TBC1D5: variants seen among roughly 807,000 people sequenced by gnomAD.
TBC1D5 encodes TBC1 domain family, member 5.
TBC1D5 carries 75 observed loss-of-function variants against 100.3 expected under a neutral mutation model. The ratio of observed to expected loss-of-function variants is 0.75; its 90% CI spans 0.62 to 0.91. TBC1D5 has a LOEUF of 0.91. TBC1D5 is among the 40% of genes least tolerant of loss of function. The probability of loss-of-function intolerance (pLI) is 0.00; values close to 1 mark genes in which losing one functional copy is unlikely to be tolerated. For missense variants in TBC1D5, 910 were observed against 942.4 expected (o/e 0.97, Z 0.45); for synonymous variants, 323 against 325.6 (o/e 0.99, Z 0.09).
At chr3:17,198,213 G>T (rs1201596527) in intron 18 of TBC1D5, among the ~76,000 whole-genome samples, 2 of 152,132 alleles carry the variant, frequency 1.3e-5, no homozygotes, top group Admixed American at 1.3e-4. Flanking sequence ...TCTTTATAGG[G>T]GCTAGGGCTG....
chr3:17,472,864 A>G (rs947695760), intron 3 of TBC1D5, among the ~76,000 whole-genome samples: 3 of 152,256 alleles, frequency 2.0e-5, no homozygotes, highest in Non-Finnish European at 4.4e-5. Flanking sequence ...TGAATATCTG[A>G]TAGACCTATT....
chr3:17,253,455 C>A (rs1407946811), intron 16 of TBC1D5, among the ~76,000 whole-genome samples: 1 of 152,128 alleles, frequency 6.6e-6, no homozygotes, highest in Admixed American at 6.5e-5. Flanking sequence ...TAGTCCAGAG[C>A]AAATACATCT....
intron 13 of TBC1D5, among the ~76,000 whole-genome samples, chr3:17,318,730 A>G (rs1656339653): frequency 1.3e-5 from 2 of 152,172 alleles, no homozygotes; most frequent in Non-Finnish European, 2.9e-5. Flanking sequence ...TAATTCAGTT[A>G]TGTATTTTTA....
intron 8 of TBC1D5, among the ~76,000 whole-genome samples, chr3:17,396,315 G>A (rs936212476): frequency 2.6e-5 from 4 of 151,924 alleles, no homozygotes; most frequent in African/African-American, 4.8e-5. Context: ...ATGGCAGCTT[G>A]TATTTTTTTT....
chr3:17,512,200 G>C (rs1044884357), intron 2 of TBC1D5, among the ~76,000 whole-genome samples: 1 of 151,972 alleles, frequency 6.6e-6, no homozygotes, highest in African/African-American at 2.4e-5. Context: ...AAGAGAAAAT[G>C]ATTGATTACA....
At chr3:17,618,255 G>C (rs2062349728) in intron 2 of TBC1D5, among the ~76,000 whole-genome samples, 1 of 152,152 alleles carries the variant, frequency 6.6e-6, no homozygotes, top group Non-Finnish European at 1.5e-5. Context: ...ATTGCTGCCT[G>C]ATCCTTCCTC....
At chr3:17,693,834 C>T (rs541834098) in intron 1 of TBC1D5, among the ~76,000 whole-genome samples, 30 of 152,252 alleles carry the variant, frequency 2.0e-4, no homozygotes, top group East Asian at 7.7e-4. Context: ...CAATAGGGGC[C>T]GACAGACACC....
intron 1 of TBC1D5, among the ~76,000 whole-genome samples, chr3:17,725,631 A>G (rs567123837): frequency 6.6e-6 from 1 of 152,288 alleles, no homozygotes; most frequent in South Asian, 2.1e-4. Flanking sequence ...AATGTGGCAA[A>G]TGTCCTCAGA....
At chr3:17,501,438 A>G (rs1297670469) in intron 3 of TBC1D5, among the ~76,000 whole-genome samples, 2 of 149,430 alleles carry the variant, frequency 1.3e-5, no homozygotes, top group Non-Finnish European at 2.9e-5. Context: ...TATAAAACAC[A>G]TAACATTTTA....
chr3:17,692,045 A>G lies in TBC1D5; in HGVS notation c.-101+47298T>C, dbSNP rs1032161393. On this transcript the variant is annotated intron_variant, in intron 1 of 21. Transcript: ENST00000253692. Reference sequence around the variant, plus strand: ...GCATACAGTAAGAATGTTTTAAGCAATAATATCTATATAAAACATAAAACT... The same window carrying G: ...GCATACAGTAAGAATGTTTTAAGCAGTAATATCTATATAAAACATAAAACT... Among the ~76,000 whole-genome samples the G allele has an allele frequency of 3.3e-5, 5 of 152,196 alleles. No homozygotes were observed. In the South Asian group the frequency reaches 1.0e-3, roughly 31 times the overall value.
intron 1 of TBC1D5, among the ~76,000 whole-genome samples, chr3:17,713,245 T>C (rs2074920716): frequency 7.5e-6 from 1 of 134,048 alleles, no homozygotes; most frequent in Non-Finnish European, 1.7e-5. Flanking sequence ...TTTTCTTTTC[T>C]TTTTTTTTTT....
exon 9 of TBC1D5, chr3:17,383,913 C>T (rs2093048904): frequency 6.3e-7 from 1 of 1,588,024 alleles, no homozygotes; most frequent in Non-Finnish European, 8.6e-7. Flanking sequence ...TTTTCATTAC[C>T]TGTTTATAAA....
chr3:17,193,174 G>A (rs1575853079), intron 18 of TBC1D5, among the ~76,000 whole-genome samples: 1 of 152,206 alleles, frequency 6.6e-6, no homozygotes, highest in South Asian at 2.1e-4. Context: ...CTCCAGCCCA[G>A]AGCTCCTCGC....
At chr3:17,506,808 T>TA (rs1014106528) in intron 3 of TBC1D5, among the ~76,000 whole-genome samples, 2 of 150,858 alleles carry the variant, frequency 1.3e-5, no homozygotes, top group African/African-American at 4.9e-5. Flanking sequence ...ATAGACCATA[T>TA]AAAAATACGT....
At chr3:17,372,106 T>C (rs748675585) in exon 13 of TBC1D5, 1 of 1,612,446 alleles carries the variant, frequency 6.2e-7, no homozygotes, top group South Asian at 1.1e-5. Context: ...ATTTCTAGTC[T>C]GTTCAAGTGC....
At chr3:17,298,591 G>A (rs757976992) in intron 14 of TBC1D5, among the ~76,000 whole-genome samples, 10 of 152,124 alleles carry the variant, frequency 6.6e-5, no homozygotes, top group Non-Finnish European at 1.3e-4. Flanking sequence ...GGAGAAAGTG[G>A]GTGGAGGTCT....
At chr3:17,648,293 G>A (rs1409872583) in intron 1 of TBC1D5, among the ~76,000 whole-genome samples, 1 of 152,060 alleles carries the variant, frequency 6.6e-6, no homozygotes, top group South Asian at 2.1e-4. Context: ...ATTGAAACTG[G>A]ACCCCTTCCT....
chr3:17,690,052 C>T (rs374934620), intron 1 of TBC1D5, among the ~76,000 whole-genome samples: 14 of 152,136 alleles, frequency 9.2e-5, no homozygotes, highest in African/African-American at 2.7e-4. Context: ...TAAGTCATAA[C>T]ATGGCCAACA....
intron 14 of TBC1D5, among the ~76,000 whole-genome samples, chr3:17,301,278 A>G (rs2082803608): frequency 6.6e-6 from 1 of 152,224 alleles, no homozygotes; most frequent in South Asian, 2.1e-4. Flanking sequence ...CAAAAACAAA[A>G]TAAAATGAAC....
Sources: allele counts gnomAD v4.1 joint callset (sites outside exome capture counted in the v4.1 genomes callset), GRCh38; gene constraint gnomAD v4.1.1; transcripts MANE v1.5; gene names NCBI Gene and HGNC (gene_info 2026-07-23, HGNC 2026-07-21).